TENM3: variants seen among roughly 807,000 people sequenced by gnomAD.
TENM3 encodes the protein teneurin-3.
Under a neutral mutation model 255.1 loss-of-function variants are expected in TENM3, and 63 were observed. The observed-to-expected ratio is 0.25, with a 90% CI of 0.20 to 0.30. The LOEUF is 0.30. TENM3 is among the 10% of genes least tolerant of loss of function. The probability of loss-of-function intolerance (pLI) is 1.00; values close to 1 mark genes in which losing one functional copy is unlikely to be tolerated. For synonymous variants in TENM3, 1,306 were observed against 1,322.3 expected (o/e 0.99, Z 0.27); for missense variants, 2,929 against 3,461.1 (o/e 0.85, Z 3.86).
the TENM3 span, among the ~76,000 whole-genome samples, chr4:181,891,747 T>G: frequency 3.3e-5 from 5 of 152,216 alleles, no homozygotes; most frequent in African/African-American, 1.2e-4. Context: ...TGGTCATGTT[T>G]GTAAAGTCAA....
chr4:182,683,418 A>G (rs764694525), intron 11 of TENM3, among the ~76,000 whole-genome samples: 16 of 152,220 alleles, frequency 1.1e-4, no homozygotes, highest in Admixed American at 4.6e-4. Context: ...TGCTCATTGC[A>G]GCATTTCAGA....
chr4:182,282,228 T>C (rs1760431497), intron 1 of TENM3, among the ~76,000 whole-genome samples: 1 of 152,186 alleles, frequency 6.6e-6, no homozygotes, highest in African/African-American at 2.4e-5. Flanking sequence ...TGCAGTGCCC[T>C]TCCCATAGGC....
chr4:181,961,487 TC>T, the TENM3 span, among the ~76,000 whole-genome samples: 5 of 152,100 alleles, frequency 3.3e-5, no homozygotes, highest in African/African-American at 1.2e-4. Flanking sequence ...GTGTGCGATC[TC>T]GACTCACTGC....
At chr4:182,771,768 C>T (rs1306769639) in intron 22 of TENM3, among the ~76,000 whole-genome samples, 2 of 152,190 alleles carry the variant, frequency 1.3e-5, no homozygotes, top group African/African-American at 2.4e-5. Context: ...CAGCAATAAA[C>T]TCTGTTGGAT....
chr4:181,564,028 C>CTTTTTTTTTTTTTTTTTTTTTTTT, the TENM3 span, among the ~76,000 whole-genome samples: 1 of 94,714 alleles, frequency 1.1e-5, no homozygotes, highest in Non-Finnish European at 2.1e-5. Flanking sequence ...CTTTTCTTTT[C>CTTTTTTTTTTTTTTTTTTTTTTTT]TTTTCTTTTT....
the TENM3 span, among the ~76,000 whole-genome samples, chr4:181,839,047 A>G: frequency 6.6e-6 from 1 of 151,658 alleles, no homozygotes; most frequent in East Asian, 1.9e-4. Context: ...GTTTGGGTAA[A>G]TCGGTAATGA....
intron 13 of TENM3, among the ~76,000 whole-genome samples, chr4:182,720,350 G>A (rs952417183): frequency 5.3e-5 from 8 of 151,794 alleles, no homozygotes; most frequent in Admixed American, 3.9e-4. Context: ...GAAAGGAAGC[G>A]GGGGAGAGGG....
At chr4:181,785,815 T>TAC in the TENM3 span, among the ~76,000 whole-genome samples, 51,475 of 149,090 alleles carry the variant, frequency 0.35, 8,838 homozygotes, top group East Asian at 0.41. Flanking sequence ...CACACACACA[T>TAC]ACACACACAC....
At chr4:182,141,767 A>T (rs570617030), upstream of TENM3, 1 of 152,322 alleles carries the variant, frequency 6.6e-6, no homozygotes, top group South Asian at 2.1e-4. Context: ...AAGTTTTATG[A>T]GTTCTATTGT....
At chr4:182,751,589 A>G (rs1165647385) in intron 19 of TENM3, among the ~76,000 whole-genome samples, 1 of 152,226 alleles carries the variant, frequency 6.6e-6, no homozygotes, top group Non-Finnish European at 1.5e-5. Flanking sequence ...AGCGTCAGGC[A>G]AGGAAGGCAA....
chr4:181,763,729 T>C, the TENM3 span, among the ~76,000 whole-genome samples: 1 of 152,226 alleles, frequency 6.6e-6, no homozygotes, highest in Non-Finnish European at 1.5e-5. Context: ...TGACAACCTC[T>C]GTCCTCGCTG....
chr4:181,740,042 A>G, the TENM3 span, among the ~76,000 whole-genome samples: 1 of 152,198 alleles, frequency 6.6e-6, no homozygotes, highest in Non-Finnish European at 1.5e-5. Context: ...AACTGTAAAC[A>G]CACCTAATCC....
At chr4:182,655,341 A>G (rs994663939) in intron 6 of TENM3, among the ~76,000 whole-genome samples, 1 of 152,206 alleles carries the variant, frequency 6.6e-6, no homozygotes, top group Admixed American at 6.5e-5. Context: ...AACGCTTATT[A>G]TGGATATTGT....
chr4:181,993,284 T>C, the TENM3 span, among the ~76,000 whole-genome samples: 1 of 152,290 alleles, frequency 6.6e-6, no homozygotes, highest in South Asian at 2.1e-4. Context: ...ATTTCAGAGG[T>C]ACAGATGCTA....
At chr4:182,526,908 T>C (rs1240535901) in intron 3 of TENM3, among the ~76,000 whole-genome samples, 1 of 152,240 alleles carries the variant, frequency 6.6e-6, no homozygotes, top group Admixed American at 6.5e-5. Flanking sequence ...TGTAATATTA[T>C]TGGTTACTTG....
intron 16 of TENM3, among the ~76,000 whole-genome samples, chr4:182,731,991 C>T (rs577512045): frequency 7.7e-4 from 117 of 152,016 alleles, no homozygotes; most frequent in Non-Finnish European, 1.3e-3. Flanking sequence ...TCATGTTGGC[C>T]AGGATGGTCT....
chr4:181,500,154 G>T, the TENM3 span, among the ~76,000 whole-genome samples: 1 of 151,800 alleles, frequency 6.6e-6, no homozygotes, highest in Non-Finnish European at 1.5e-5. Context: ...TCATCCTCCT[G>T]AGTAGCTGGG....
chr4:181,599,285 G>A, the TENM3 span, among the ~76,000 whole-genome samples: 13 of 152,152 alleles, frequency 8.5e-5, no homozygotes, highest in African/African-American at 1.9e-4. Flanking sequence ...AACAGCAGAC[G>A]TAGAGCACAA....
chr4:182,603,784 T>TATATATATATATATACACAC (rs58332965), intron 4 of TENM3, among the ~76,000 whole-genome samples: 7 of 134,164 alleles, frequency 5.2e-5, no homozygotes, highest in African/African-American at 1.9e-4. Flanking sequence ...TATATATATA[T>TATATATATATATATACACAC]ACACACACAC....
Sources: allele counts gnomAD v4.1 joint callset (sites outside exome capture counted in the v4.1 genomes callset), GRCh38; gene constraint gnomAD v4.1.1; transcripts MANE v1.5; gene names NCBI Gene and HGNC (gene_info 2026-07-23, HGNC 2026-07-21).